TLE4: variants seen among roughly 807,000 people sequenced by gnomAD.
TLE4 encodes transducin-like enhancer protein 4.
Under a neutral mutation model 92.8 loss-of-function variants are expected in TLE4, and 8 were observed. The observed-to-expected ratio is 0.09, with a 90% confidence interval of 0.05 to 0.16. TLE4 has a LOEUF of 0.16. TLE4 is among the 10% of genes least tolerant of loss of function. The pLI is 1.00. For synonymous variants in TLE4, 371 were observed against 374.1 expected, an observed-to-expected ratio of 0.99 and a Z score of 0.10; for missense variants, 675 against 997.6, an observed-to-expected ratio of 0.68 and a Z score of 4.36.
At chr9:79,704,086 T>G (rs1375507650) in intron 8 of TLE4, among the ~76,000 whole-genome samples, 1 of 152,138 alleles carries the variant, frequency 6.6e-6, no homozygotes, top group African/African-American at 2.4e-5. Flanking sequence ...TCTCCTTCCC[T>G]TTTTTCTCAT....
At chr9:79,714,479 C>T (rs1021728418) in intron 14 of TLE4, among the ~76,000 whole-genome samples, 1 of 152,158 alleles carries the variant, frequency 6.6e-6, no homozygotes, top group African/African-American at 2.4e-5. Context: ...TTTACCTCAT[C>T]CTTTTGGAAC....
At chr9:79,630,281 G>A (rs1440288118) in intron 6 of TLE4, among the ~76,000 whole-genome samples, 1 of 152,264 alleles carries the variant, frequency 6.6e-6, no homozygotes, top group Admixed American at 6.5e-5. Flanking sequence ...AAGTGATCCC[G>A]TAATCTGGAG....
chr9:79,600,482 AAC>A (rs939806005), intron 4 of TLE4, among the ~76,000 whole-genome samples: 5 of 152,182 alleles, frequency 3.3e-5, no homozygotes, highest in African/African-American at 1.2e-4. Context: ...CAACAACAAA[AAC>A]ACACAAAAAC....
intron 4 of TLE4, among the ~76,000 whole-genome samples, chr9:79,582,912 A>G (rs944701720): frequency 1.3e-5 from 2 of 152,210 alleles, no homozygotes; most frequent in Non-Finnish European, 2.9e-5. Context: ...CGCATGGGCA[A>G]TGGAGTATTT....
At chr9:79,608,103 T>A (rs2047522598) in intron 4 of TLE4, among the ~76,000 whole-genome samples, 1 of 152,076 alleles carries the variant, frequency 6.6e-6, no homozygotes, top group South Asian at 2.1e-4. Context: ...TCCAACACTA[T>A]GTTGAATAGG....
At chr9:79,606,851 C>A (rs1935785928) in intron 4 of TLE4, among the ~76,000 whole-genome samples, 1 of 152,102 alleles carries the variant, frequency 6.6e-6, no homozygotes, top group Non-Finnish European at 1.5e-5. Flanking sequence ...GTGCATGTGT[C>A]TTTATAGTAG....
In TLE4 at chr9:79,652,698, A is replaced by G. The variant is rs1323594667; in HGVS notation, c.496A>G (p.Ser166Gly). The G allele has an allele frequency of 2.5e-6, 4 of 1,614,032 alleles. No individual in the cohort carries two copies. The highest frequency in any genetic ancestry group is 3.3e-5 in the Admixed American group (2 of 59,998). The change falls in exon 7 of 20, where the codon AGT becomes GGT. Residue 166 changes from serine to glycine, a missense_variant. This residue lies in a region of TLE4 where 280 missense variants were observed against 287.3 expected (regional missense o/e 0.97). Transcript: ENST00000376552. Reference sequence around the variant, plus strand: ...CCCTGCCATTCCACCCATCGGTAGCAGTGCCGGGCTTCTGGCCCTCTCCAG... The same window carrying G: ...CCCTGCCATTCCACCCATCGGTAGCGGTGCCGGGCTTCTGGCCCTCTCCAG... Reference protein sequence around the residue: ...QPPAIPPIGSSAGLLALSSAL... With the variant: ...QPPAIPPIGSGAGLLALSSAL...
At position 79,696,452 on chromosome 9, in the gene TLE4, G is replaced by A. The variant is rs943044078; in HGVS notation, c.610-8331G>A. ...TGAAGAAGACCAGAGTTCCTGATTAGCGACCTTAAAACTTATTAGGCAGCC... is the reference window on the plus strand; with the variant it reads ...TGAAGAAGACCAGAGTTCCTGATTAACGACCTTAAAACTTATTAGGCAGCC... On this transcript the variant is annotated intron_variant, in intron 8 of 19. Transcript: ENST00000376552. 5.9e-5 allele frequency among the ~76,000 whole-genome samples: 9 copies of A among 152,226 alleles called. No individual in the cohort carries two copies. The South Asian group carries it at 8.3e-4, about 14-fold the overall frequency.
rs72734307 is a variant in TLE4, at chr9:79,650,673, T to C, written c.391-1920T>C. ...CTTAAATGAAGAGAATCACCTTATC[T>C]CAAAACTACCCAGTTAAGAAAACCT... On this transcript the variant is annotated intron_variant, in intron 6 of 19. Coordinates refer to ENST00000376552, the MANE Select transcript of TLE4 (RefSeq NM_007005.6). 6.9e-3 allele frequency among the ~76,000 whole-genome samples: 1,058 copies of C among 152,260 alleles called. 5 individuals are homozygous for C. The highest frequency in any genetic ancestry group is 0.01 in the Non-Finnish European group (686 of 68,014).
chr9:79,659,427 G>A (rs2060220591), intron 8 of TLE4, among the ~76,000 whole-genome samples: 1 of 151,302 alleles, frequency 6.6e-6, no homozygotes, highest in Non-Finnish European at 1.5e-5. Context: ...TAACCATAAT[G>A]CCTTTAATCA....
Position 79,652,699 on chromosome 9 carries a change from G to A in TLE4, c.497G>A (p.Ser166Asn). Residue 166 changes from serine to asparagine, a missense_variant, in exon 7 of 20, where the codon AGT becomes AAT. This residue lies in a region of TLE4 where 280 missense variants were observed against 287.3 expected (regional missense o/e 0.97). Coordinates refer to ENST00000376552, the MANE Select transcript of TLE4 (RefSeq NM_007005.6). ...QPPAIPPIGSSAGLLALSSAL... is the reference protein window; with the variant it reads ...QPPAIPPIGSNAGLLALSSAL... ...CCTGCCATTCCACCCATCGGTAGCA[G>A]TGCCGGGCTTCTGGCCCTCTCCAGT... 6.2e-7 allele frequency: 1 copy of A among 1,614,166 alleles called. No homozygotes were observed. Among genetic ancestry groups the A allele is most frequent in the Non-Finnish European group, 8.5e-7 (1 of 1,180,030 alleles).
chr9:79,669,565 A>G (rs1487418201), intron 8 of TLE4, among the ~76,000 whole-genome samples: 1 of 152,040 alleles, frequency 6.6e-6, no homozygotes, highest in Non-Finnish European at 1.5e-5. Context: ...GGGCACCATC[A>G]CTCACATTGT....
chr9:79,626,644 AC>A (rs1366938162), intron 5 of TLE4, among the ~76,000 whole-genome samples: 4 of 152,198 alleles, frequency 2.6e-5, no homozygotes, highest in African/African-American at 9.7e-5. Flanking sequence ...AAAATTACTA[AC>A]ATCAGTTCTT....
chr9:79,652,845 G>C, intron 7 of TLE4, 51 bp downstream of exon 7: 1 of 1,560,958 alleles, frequency 6.4e-7, no homozygotes, highest in South Asian at 1.1e-5. Flanking sequence ...TTGCTGCTGA[G>C]GGTAGGTTCT....
intron 5 of TLE4, among the ~76,000 whole-genome samples, chr9:79,621,629 T>C (rs902335787): frequency 6.6e-6 from 1 of 151,834 alleles, no homozygotes; most frequent in African/African-American, 2.4e-5. Flanking sequence ...TTGGATAGAG[T>C]AGTGGCCTTT....
chr9:79,581,386 G>A (rs2039621334), intron 4 of TLE4, among the ~76,000 whole-genome samples: 1 of 152,162 alleles, frequency 6.6e-6, no homozygotes, highest in South Asian at 2.1e-4. Context: ...TAGGGTGTGT[G>A]TTTTCCGAAT....
intron 6 of TLE4, among the ~76,000 whole-genome samples, chr9:79,634,541 G>A (rs557155051): frequency 6.6e-6 from 1 of 152,260 alleles, no homozygotes; most frequent in South Asian, 2.1e-4. Context: ...CCTTTCCAGT[G>A]TGTAGGTCTT....
chr9:79,616,805 C>T (rs1177965173), intron 5 of TLE4, among the ~76,000 whole-genome samples: 1 of 152,098 alleles, frequency 6.6e-6, no homozygotes, highest in Non-Finnish European at 1.5e-5. Flanking sequence ...GGACCTAAAA[C>T]TCTACATCAC....
At chr9:79,659,985 TC>T (rs1330030894) in intron 8 of TLE4, among the ~76,000 whole-genome samples, 1 of 152,248 alleles carries the variant, frequency 6.6e-6, no homozygotes, top group East Asian at 1.9e-4. Context: ...ATTGGTAAAA[TC>T]CATTTCATTG....
Sources: gnomAD v4.1 joint callset for allele counts (sites outside exome capture counted in the v4.1 genomes callset) on GRCh38, gnomAD v4.1.1 for gene constraint, gnomAD v4.1.1 regional missense constraint, MANE v1.5 for transcripts, NCBI Gene and HGNC (gene_info 2026-07-23, HGNC 2026-07-21) for gene names.